Variants in RGS20 observed in about 807,000 individuals in gnomAD.
The protein encoded by RGS20 is gz-selective GTPase-activating protein.
A neutral mutation model predicts 33.6 loss-of-function variants in RGS20; 30 were observed. That is an observed-to-expected ratio of 0.89 (90% CI 0.67 to 1.21). The LOEUF (loss-of-function observed/expected upper bound fraction) is 1.21, where lower values mean the gene tolerates loss of function less well. Ranked by LOEUF, RGS20 falls within the 50% of genes most tolerant of loss-of-function variation. The pLI, the probability that RGS20 is intolerant of heterozygous loss-of-function variation, is 0.00. For synonymous variants in RGS20, 208 were observed against 197.9 expected, an observed-to-expected ratio of 1.05 and a Z score of -0.43; for missense variants, 472 against 502.4, an observed-to-expected ratio of 0.94 and a Z score of 0.58.
chr8:53,941,441 A>C (rs1814295618), intron 3 of RGS20, among the ~76,000 whole-genome samples: 1 of 152,180 alleles, frequency 6.6e-6, no homozygotes, highest in Non-Finnish European at 1.5e-5. Context: ...CAGAGGAAAA[A>C]AAGGGAACCC....
At chr8:53,950,148 C>T (rs770272150) in intron 4 of RGS20, among the ~76,000 whole-genome samples, 4 of 152,024 alleles carry the variant, frequency 2.6e-5, no homozygotes, top group African/African-American at 4.8e-5. Flanking sequence ...CGTGTTAACA[C>T]ATTTCTTTAA....
intron 1 of RGS20, among the ~76,000 whole-genome samples, chr8:53,858,100 T>C (rs994108374): frequency 6.6e-6 from 1 of 152,228 alleles, no homozygotes; most frequent in Non-Finnish European, 1.5e-5. Context: ...GAGACTATTC[T>C]TATATAGCTA....
intron 1 of RGS20, among the ~76,000 whole-genome samples, chr8:53,867,871 C>T (rs1226230944): frequency 7.2e-5 from 11 of 152,072 alleles, no homozygotes; most frequent in African/African-American, 1.7e-4. Context: ...TACAGGCACA[C>T]GCCACCACAC....
At chr8:53,932,897 C>T (rs887075079) in intron 2 of RGS20, among the ~76,000 whole-genome samples, 2 of 152,140 alleles carry the variant, frequency 1.3e-5, no homozygotes, top group Non-Finnish European at 2.9e-5. Context: ...TGGTGGGTGC[C>T]CCTCTGGGAT....
chr8:53,918,222 C>T (rs1253374019), intron 2 of RGS20, among the ~76,000 whole-genome samples: 1 of 152,102 alleles, frequency 6.6e-6, no homozygotes, highest in Non-Finnish European at 1.5e-5. Flanking sequence ...ATCCCACACC[C>T]ACTAGCAGTC....
chr8:53,928,903 C>G (rs891580769), intron 2 of RGS20, among the ~76,000 whole-genome samples: 1 of 152,068 alleles, frequency 6.6e-6, no homozygotes, highest in Non-Finnish European at 1.5e-5. Flanking sequence ...TCAAAAAGGT[C>G]TAAGTCCATC....
chr8:53,857,867 T>C (rs1252633334), intron 1 of RGS20, among the ~76,000 whole-genome samples: 1 of 152,106 alleles, frequency 6.6e-6, no homozygotes. Flanking sequence ...TATTTCAAAG[T>C]TGCAAAAAGC....
At chr8:53,936,845 T>C (rs977320877) in intron 2 of RGS20, among the ~76,000 whole-genome samples, 6 of 152,208 alleles carry the variant, frequency 3.9e-5, no homozygotes, top group Non-Finnish European at 8.8e-5. Context: ...CTTTAAACTA[T>C]ACTACAATGT....
At chr8:53,873,534 T>A (rs747476605) in intron 1 of RGS20, among the ~76,000 whole-genome samples, 1 of 152,258 alleles carries the variant, frequency 6.6e-6, no homozygotes, top group Non-Finnish European at 1.5e-5. Flanking sequence ...ATCATGTTTT[T>A]AAGGTTCATC....
intron 1 of RGS20, among the ~76,000 whole-genome samples, chr8:53,875,691 T>C (rs7827611): frequency 0.15 from 23,424 of 152,072 alleles, 3,998 homozygotes; most frequent in African/African-American, 0.4. Context: ...TACACAACAT[T>C]TCCTTATGAC....
At position 53,879,330 on chromosome 8, in the gene RGS20, T is replaced by A. The variant is rs781307009; in HGVS notation, c.238T>A (p.Ser80Thr). 3.1e-6 allele frequency: 5 copies of A among 1,613,110 alleles called. No homozygotes were observed. In the South Asian group the frequency reaches 5.5e-5, roughly 18 times the overall value. The stretch of plus-strand genomic sequence containing the variant: ...GTTCGGCCTCCTTTCTAGCCCGCTT[T>A]CCAGCCTCGCAAGGTTCTTCTCTCA... The change falls in exon 2 of 6, where the codon TCC (serine) becomes ACC (threonine). Residue 80 changes from serine to threonine, a missense_variant. By Grantham distance (58) the Ser-to-Thr change is moderately conservative (BLOSUM62 1). Transcript: ENST00000297313.
chr8:53,918,011 T>G (rs770612217), intron 2 of RGS20, among the ~76,000 whole-genome samples: 10 of 152,204 alleles, frequency 6.6e-5, no homozygotes, highest in African/African-American at 9.6e-5. Flanking sequence ...TCTTGATTCC[T>G]TCAATTAACA....
rs1271098654 is a variant in RGS20 at position 53,877,371 on chromosome 8, C to T, written c.166-1887C>T. Among the ~76,000 whole-genome samples, 1 of 152,174 alleles carries T rather than the reference C, an allele frequency of 6.6e-6. No homozygotes were observed. The highest frequency in any genetic ancestry group is 2.1e-4 in the South Asian group (1 of 4,832). ...TGGGGCGCAGACGCGGCCGCCGGCCCGCAGTCCCCCGCAGGTGCCGCCCAG... is the reference window on the plus strand; with the variant it reads ...TGGGGCGCAGACGCGGCCGCCGGCCTGCAGTCCCCCGCAGGTGCCGCCCAG... On this transcript the variant is annotated intron_variant, in intron 1 of 5. Coordinates refer to ENST00000297313, the MANE Select transcript of RGS20 (RefSeq NM_170587.4). This position sits in a 1 kb window ranked among gnomAD's most constrained non-coding sequence, Gnocchi z 5.7.
chr8:53,903,222 A>G (rs1563380583), intron 2 of RGS20, among the ~76,000 whole-genome samples: 2 of 152,250 alleles, frequency 1.3e-5, no homozygotes, highest in Non-Finnish European at 2.9e-5. Flanking sequence ...TTCTGGACAC[A>G]TAATATTTTA....
At chr8:53,889,866 C>G (rs932773764) in intron 2 of RGS20, among the ~76,000 whole-genome samples, 3 of 151,896 alleles carry the variant, frequency 2.0e-5, no homozygotes, top group Non-Finnish European at 4.4e-5. Flanking sequence ...TTGAAGGTAG[C>G]CTGTTGTTAT....
chr8:53,936,860 G>C (rs1281805355), intron 2 of RGS20, among the ~76,000 whole-genome samples: 1 of 152,184 alleles, frequency 6.6e-6, no homozygotes, highest in Non-Finnish European at 1.5e-5. Flanking sequence ...CAATGTTGTA[G>C]TAACCAAAAC....
In RGS20 at chr8:53,873,369, A is replaced by G. The variant is rs147934296; in HGVS notation, c.166-5889A>G. Among the ~76,000 whole-genome samples the G allele has an allele frequency of 3.2e-3, 486 of 152,316 alleles. 5 individuals are homozygous for G. The highest frequency in any genetic ancestry group is 0.011 in the African/African-American group (468 of 41,568). On this transcript the variant is annotated intron_variant, in intron 1 of 5. Coordinates refer to ENST00000297313, the MANE Select transcript of RGS20 (RefSeq NM_170587.4). ...TACACGTCTCAAACAGAAATTATGT[A>G]TCCACCAAACAATCACTCCCCATTC...
intron 2 of RGS20, among the ~76,000 whole-genome samples, chr8:53,937,333 A>G (rs942845582): frequency 1.3e-5 from 2 of 151,574 alleles, no homozygotes; most frequent in African/African-American, 4.8e-5. Flanking sequence ...AAAATAAAAA[A>G]AGAAAACTGA....
chr8:53,890,947 C>A (rs1451491363), intron 2 of RGS20, among the ~76,000 whole-genome samples: 1 of 152,196 alleles, frequency 6.6e-6, no homozygotes, highest in Non-Finnish European at 1.5e-5. Context: ...GGACTTCTAT[C>A]TCCTTGGTCT....
Sources: gnomAD v4.1 joint callset for allele counts (sites outside exome capture counted in the v4.1 genomes callset) on GRCh38, gnomAD v4.1.1 for gene constraint, Gnocchi (gnomAD v3.1) non-coding constraint, MANE v1.5 for transcripts, NCBI Gene and HGNC (gene_info 2026-07-23, HGNC 2026-07-21) for gene names.